DPP10: variants seen among roughly 807,000 people sequenced by gnomAD.
The protein encoded by DPP10 is inactive dipeptidyl peptidase 10.
DPP10 carries 33 observed loss-of-function variants against 120.9 expected under a neutral mutation model. The ratio of observed to expected loss-of-function variants is 0.27; its 90% CI spans 0.21 to 0.37. The LOEUF (loss-of-function observed/expected upper bound fraction) is 0.37. DPP10 is among the 10% of genes least tolerant of loss of function. DPP10 has a pLI of 1.00. For missense variants in DPP10, 816 were observed against 942.8 expected (o/e 0.87, Z 1.76); for synonymous variants, 337 against 326.1 (o/e 1.03, Z -0.36).
intron 5 of DPP10, among the ~76,000 whole-genome samples, chr2:115,659,055 A>T (rs2088663421): frequency 6.6e-6 from 1 of 152,136 alleles, no homozygotes; most frequent in Admixed American, 6.5e-5. Flanking sequence ...TGCCATTATT[A>T]TTGAGTGGGT....
chr2:114,913,024 C>A (rs1048468739), intron 1 of DPP10, among the ~76,000 whole-genome samples: 1 of 152,162 alleles, frequency 6.6e-6, no homozygotes, highest in African/African-American at 2.4e-5. Flanking sequence ...TGGGATGTGG[C>A]CAATATGATA....
intron 1 of DPP10, among the ~76,000 whole-genome samples, chr2:114,759,783 A>G (rs1363854708): frequency 1.3e-5 from 2 of 150,888 alleles, no homozygotes; most frequent in African/African-American, 2.4e-5. Context: ...AGAGCCTGGA[A>G]AATTGCCAGG....
At chr2:115,383,219 G>T (rs1235437679) in intron 3 of DPP10, among the ~76,000 whole-genome samples, 1 of 152,114 alleles carries the variant, frequency 6.6e-6, no homozygotes, top group African/African-American at 2.4e-5. Flanking sequence ...GGAGGTTCCT[G>T]GTGGGAAGTA....
chr2:115,329,798 GGT>G (rs2062597483), intron 2 of DPP10, among the ~76,000 whole-genome samples: 2 of 152,038 alleles, frequency 1.3e-5, no homozygotes, highest in African/African-American at 4.8e-5. Context: ...AGTATTCCAT[GGT>G]GTATATGTAC....
chr2:115,424,271 A>G (rs1390692774), intron 3 of DPP10, among the ~76,000 whole-genome samples: 2 of 152,166 alleles, frequency 1.3e-5, no homozygotes, highest in Non-Finnish European at 2.9e-5. Context: ...TTTGTATGGC[A>G]GTAGTTTTTG....
At chr2:115,069,420 T>C (rs1402485598) in intron 1 of DPP10, among the ~76,000 whole-genome samples, 1 of 152,106 alleles carries the variant, frequency 6.6e-6, no homozygotes, top group East Asian at 1.9e-4. Flanking sequence ...TGCTTATTAG[T>C]TCTAACACTT....
intron 1 of DPP10, among the ~76,000 whole-genome samples, chr2:115,050,719 C>A (rs1435193635): frequency 1.3e-5 from 2 of 152,184 alleles, no homozygotes; most frequent in African/African-American, 4.8e-5. Flanking sequence ...AGGCATTAAT[C>A]TCTCGCCACT....
chr2:115,183,104 C>G (rs935959113), intron 1 of DPP10, among the ~76,000 whole-genome samples: 5 of 152,142 alleles, frequency 3.3e-5, no homozygotes, highest in Non-Finnish European at 1.5e-5. Context: ...TAACACTTCC[C>G]TTGGAATAAT....
intron 1 of DPP10, among the ~76,000 whole-genome samples, chr2:115,017,713 A>T (rs1440331587): frequency 6.6e-6 from 1 of 152,136 alleles, no homozygotes; most frequent in Non-Finnish European, 1.5e-5. Flanking sequence ...AGGGACATGG[A>T]TGAAGCTGGA....
intron 1 of DPP10, among the ~76,000 whole-genome samples, chr2:114,747,993 A>G (rs1678741227): frequency 6.6e-6 from 1 of 152,186 alleles, no homozygotes; most frequent in Admixed American, 6.5e-5. Context: ...GACTGAGAGT[A>G]AGCTCTTAAA....
intron 19 of DPP10, among the ~76,000 whole-genome samples, chr2:115,800,722 G>A (rs1430641553): frequency 6.6e-6 from 1 of 152,080 alleles, no homozygotes; most frequent in Non-Finnish European, 1.5e-5. Flanking sequence ...TTTTTGTCAG[G>A]TTTGTCAAAG....
At chr2:115,654,654 GA>G (rs1425039901) in intron 5 of DPP10, among the ~76,000 whole-genome samples, 2 of 151,792 alleles carry the variant, frequency 1.3e-5, no homozygotes, top group Non-Finnish European at 2.9e-5. Context: ...TGTCATAAGA[GA>G]ACACAGCATA....
At position 115,739,741 on chromosome 2, in the gene DPP10, G is replaced by C. The variant is rs767116450; in HGVS notation, c.700G>C (p.Glu234Gln). Residue 234 changes from glutamate (E) to glutamine (Q), a missense_variant and splice_region_variant, in exon 9 of 26, where the codon GAA becomes CAA. By Grantham distance (29) the Glu-to-Gln change is conservative. Transcript: ENST00000410059. ...CAAATAACACTCATTTATTCTAGAG[G>C]AACTCCTGCATTCTCACATCGCCCA... The part of the protein sequence containing the change: ...NGIADWLYEE[E>Q]LLHSHIAHWW... 233 of 1,612,932 alleles carry C rather than the reference G, an allele frequency of 1.4e-4. No homozygotes were observed. Among genetic ancestry groups the C allele is most frequent in the Non-Finnish European group, 1.8e-4 (216 of 1,179,258 alleles).
At chr2:115,794,001 G>A (rs573615684) in intron 19 of DPP10, among the ~76,000 whole-genome samples, 204 of 152,198 alleles carry the variant, frequency 1.3e-3, no homozygotes, top group Middle Eastern at 3.4e-3. Flanking sequence ...AACTGCCCAT[G>A]ATTTAAAGCC....
intron 1 of DPP10, among the ~76,000 whole-genome samples, chr2:114,817,975 CAG>C (rs1685776107): frequency 6.6e-6 from 1 of 152,122 alleles, no homozygotes; most frequent in Non-Finnish European, 1.5e-5. Flanking sequence ...TGAAGTCAAC[CAG>C]AGTCTTGAAG....
At chr2:114,588,464 G>A (rs1691183612) in intron 1 of DPP10, among the ~76,000 whole-genome samples, 1 of 152,180 alleles carries the variant, frequency 6.6e-6, no homozygotes, top group Non-Finnish European at 1.5e-5. Flanking sequence ...GATGACTATA[G>A]TTAACAATAA....
intron 1 of DPP10, among the ~76,000 whole-genome samples, chr2:115,253,051 A>T (rs1483858436): frequency 1.3e-5 from 2 of 152,228 alleles, no homozygotes; most frequent in African/African-American, 4.8e-5. Context: ...TGTAAGGTGT[A>T]CGGGAAGCAT....
At chr2:115,808,065 C>G (rs919109444) in intron 19 of DPP10, among the ~76,000 whole-genome samples, 1 of 152,050 alleles carries the variant, frequency 6.6e-6, no homozygotes, top group Admixed American at 6.6e-5. Flanking sequence ...TGAAGAAGCT[C>G]GTAAGATACC....
At chr2:114,872,309 G>A (rs2420450) in intron 1 of DPP10, among the ~76,000 whole-genome samples, 84,901 of 151,752 alleles carry the variant, frequency 0.56, 23,931 homozygotes, top group East Asian at 0.7. Context: ...CCTTTATAAA[G>A]CCATCATATT....
Sources: gnomAD v4.1 joint callset for allele counts (sites outside exome capture counted in the v4.1 genomes callset) on GRCh38, gnomAD v4.1.1 for gene constraint, MANE v1.5 for transcripts, NCBI Gene and HGNC (gene_info 2026-07-23, HGNC 2026-07-21) for gene names.